The following ITPRID1 variants were observed in gnomAD, a reference collection of about 807,000 sequenced individuals.
ITPRID1 encodes protein ITPRID1.
ITPRID1 carries 96 observed loss-of-function variants against 95.4 expected under a neutral mutation model. The ratio of observed to expected loss-of-function variants is 1.01; its 90% CI spans 0.85 to 1.19. The LOEUF (loss-of-function observed/expected upper bound fraction) is 1.19. ITPRID1 is among the 50% of genes most tolerant of loss of function. The pLI is 0.00. For synonymous variants in ITPRID1, 510 were observed against 453.6 expected, an observed-to-expected ratio of 1.12 and a Z score of -1.58; for missense variants, 1,339 against 1,252.9, an observed-to-expected ratio of 1.07 and a Z score of -1.04.
intron 10 of ITPRID1, among the ~76,000 whole-genome samples, chr7:31,616,088 C>G: frequency 6.6e-6 from 1 of 152,122 alleles, no homozygotes; most frequent in Non-Finnish European, 1.5e-5. Context: ...AAAGGTCTAG[C>G]TGCTATGCAA....
chr7:31,641,477 G>GA (rs5883299), intron 10 of ITPRID1, among the ~76,000 whole-genome samples: 27,400 of 151,022 alleles, frequency 0.18, 2,628 homozygotes, highest in Non-Finnish European at 0.2. Flanking sequence ...TTAAAGAAGA[G>GA]AAAAAAAAAT....
intron 10 of ITPRID1, among the ~76,000 whole-genome samples, chr7:31,599,173 CA>C (rs1417068344): frequency 6.6e-6 from 1 of 151,956 alleles, no homozygotes; most frequent in African/African-American, 2.4e-5. Flanking sequence ...GCAATCAAAT[CA>C]ATAAGAAAAT....
chr7:31,557,480 T>C (rs1328533352), intron 5 of ITPRID1, among the ~76,000 whole-genome samples: 2 of 152,158 alleles, frequency 1.3e-5, no homozygotes, highest in Admixed American at 1.3e-4. Flanking sequence ...TTATGATGAC[T>C]CTCTGGCTGT....
intron 5 of ITPRID1, 97 bp downstream of exon 5, chr7:31,554,998 G>T: frequency 1.1e-6 from 1 of 933,972 alleles, no homozygotes; most frequent in Non-Finnish European, 1.7e-6. Flanking sequence ...CATTATCAGA[G>T]GCTTCTAGAA....
intron 10 of ITPRID1, among the ~76,000 whole-genome samples, chr7:31,597,490 GA>G (rs573449948): frequency 0.023 from 3,204 of 136,892 alleles, 105 homozygotes; most frequent in African/African-American, 0.079. Flanking sequence ...CATTAAAGCA[GA>G]AAAAAAAAAA....
At chr7:31,526,957 C>T (rs912280543) in intron 1 of ITPRID1, among the ~76,000 whole-genome samples, 1 of 152,156 alleles carries the variant, frequency 6.6e-6, no homozygotes. Context: ...AAGTTCAAAC[C>T]TCTTATTGGC....
chr7:31,535,248 TA>T (rs1431254032), intron 1 of ITPRID1, among the ~76,000 whole-genome samples: 1 of 152,122 alleles, frequency 6.6e-6, no homozygotes, highest in Non-Finnish European at 1.5e-5. Context: ...TTTCACAATG[TA>T]AAAACTTTCT....
chr7:31,569,572 G>A (rs979203295), intron 5 of ITPRID1, among the ~76,000 whole-genome samples, 186 bp from the exon 6 acceptor site: 5 of 152,076 alleles, frequency 3.3e-5, no homozygotes, highest in South Asian at 2.1e-4. Flanking sequence ...ATTTCTTCAC[G>A]TGTTTGTCAT....
chr7:31,574,402 C>T lies in ITPRID1; in HGVS notation c.396-138C>T, dbSNP rs537826668. 2.0e-4 allele frequency: 143 copies of T among 728,470 alleles called. 1 individual carries two copies. The East Asian group carries it at 3.2e-3, about 16-fold the overall frequency. The allele number at this position is 728,470 out of a possible 1,614,324, so 45.1% of individuals were successfully genotyped here. A position where few individuals can be genotyped will look rare whatever the true frequency, so the allele number is the denominator to read the frequency against. Reference sequence around the variant, plus strand: ...AGTCCTTTAAGTAAGTATATAGGAACGCTAGTGCACGCACCGTTTGTCTAT... The same window carrying T: ...AGTCCTTTAAGTAAGTATATAGGAATGCTAGTGCACGCACCGTTTGTCTAT... On this transcript the variant is annotated intron_variant, in intron 7 of 14. Transcript: ENST00000615280.
intron 10 of ITPRID1, among the ~76,000 whole-genome samples, chr7:31,625,220 C>A (rs1448390193): frequency 1.3e-5 from 2 of 152,038 alleles, no homozygotes; most frequent in Non-Finnish European, 2.9e-5. Flanking sequence ...TGTGGCGATT[C>A]CTCAGGGATC....
intron 1 of ITPRID1, among the ~76,000 whole-genome samples, chr7:31,537,033 C>T (rs1486126866): frequency 6.6e-6 from 1 of 151,830 alleles, no homozygotes; most frequent in Non-Finnish European, 1.5e-5. Context: ...AGCTATCCTG[C>T]TCCCCTCTAG....
intron 1 of ITPRID1, among the ~76,000 whole-genome samples, chr7:31,548,722 C>A (rs1052305183): frequency 6.6e-6 from 1 of 152,090 alleles, no homozygotes; most frequent in African/African-American, 2.4e-5. Flanking sequence ...TGAGTTAGTT[C>A]TCTGAGAGTG....
Position 31,642,712 on chromosome 7 carries a change from G to T in ITPRID1, c.1342G>T (p.Ala448Ser). Residue 448 changes from alanine (A) to serine (S), a missense_variant, in exon 12 of 15, where the codon GCT becomes TCT. By Grantham distance (99) the Ala-to-Ser change is moderately conservative. Coordinates refer to ENST00000615280, the MANE Select transcript of ITPRID1 (RefSeq NM_001257967.3). Reference sequence around the variant, plus strand: ...TTCCTTGCCAAACAGCCAGAGTCCTGCTGAGAATGGAGGTAGAAAGCCAAG... The same window carrying T: ...TTCCTTGCCAAACAGCCAGAGTCCTTCTGAGAATGGAGGTAGAAAGCCAAG... ...MPSLPNSQSP[A>S]ENGGRKPRDQ... 1 of 1,613,932 alleles carries T rather than the reference G, an allele frequency of 6.2e-7. No individual in the cohort carries two copies. Among genetic ancestry groups the T allele is most frequent in the African/African-American group, 1.3e-5 (1 of 75,046 alleles).
chr7:31,519,545 A>G (rs890887720), intron 1 of ITPRID1, among the ~76,000 whole-genome samples: 7 of 149,004 alleles, frequency 4.7e-5, no homozygotes, highest in Admixed American at 3.4e-4. Context: ...ACATAGATAT[A>G]TACGCACATG....
At chr7:31,627,261 T>G (rs2128188213) in intron 10 of ITPRID1, among the ~76,000 whole-genome samples, 1 of 152,286 alleles carries the variant, frequency 6.6e-6, no homozygotes, top group African/African-American at 2.4e-5. Flanking sequence ...CATCAAATAA[T>G]TTTATCAAAA....
chr7:31,642,666 C>A lies in ITPRID1; in HGVS notation c.1312-16C>A. The A allele has an allele frequency of 5.6e-6, 9 of 1,608,376 alleles. No homozygotes were observed. Among genetic ancestry groups the A allele is most frequent in the Non-Finnish European group, 7.6e-6 (9 of 1,176,986 alleles). ...ACTTCCTGACCTGTTTCCCTTTGTCCTGGTTTCCCCTACAGATGCCTTCCT... is the reference window on the plus strand; with the variant it reads ...ACTTCCTGACCTGTTTCCCTTTGTCATGGTTTCCCCTACAGATGCCTTCCT... On this transcript the variant is annotated splice_polypyrimidine_tract_variant and intron_variant, in intron 11 of 14. Coordinates refer to ENST00000615280, the MANE Select transcript of ITPRID1 (RefSeq NM_001257967.3).
At chr7:31,555,827 A>AT (rs1225244651) in intron 5 of ITPRID1, among the ~76,000 whole-genome samples, 1 of 152,108 alleles carries the variant, frequency 6.6e-6, no homozygotes, top group Non-Finnish European at 1.5e-5. Flanking sequence ...TAAATTTTGA[A>AT]TTTTTTTACT....
At chr7:31,637,816 C>G (rs997320485) in intron 10 of ITPRID1, among the ~76,000 whole-genome samples, 1 of 152,198 alleles carries the variant, frequency 6.6e-6, no homozygotes, top group African/African-American at 2.4e-5. Flanking sequence ...TTGCCCATGC[C>G]TATGTCCTGA....
intron 10 of ITPRID1, among the ~76,000 whole-genome samples, chr7:31,619,603 T>C (rs1355688227): frequency 6.6e-6 from 1 of 151,964 alleles, no homozygotes; most frequent in South Asian, 2.1e-4. Flanking sequence ...AGTGTTCTTT[T>C]AACAGTTAAA....
Sources: allele counts gnomAD v4.1 joint callset (sites outside exome capture counted in the v4.1 genomes callset), GRCh38; gene constraint gnomAD v4.1.1; transcripts MANE v1.5; gene names NCBI Gene and HGNC (gene_info 2026-07-23, HGNC 2026-07-21).